TTBK2: variants seen among roughly 807,000 people sequenced by gnomAD.
TTBK2 encodes tau tubulin kinase 2, also known as tau-tubulin kinase 2.
In TTBK2, 28 loss-of-function variants were observed where a neutral mutation model predicts 110.8. The ratio of observed to expected loss-of-function variants is 0.25; its 90% CI spans 0.19 to 0.35. TTBK2 has a LOEUF of 0.35. TTBK2 is among the 10% of genes least tolerant of loss of function. TTBK2 has a pLI of 1.00. For synonymous variants in TTBK2, 532 were observed against 527.3 expected (o/e 1.01, Z -0.12); for missense variants, 1,369 against 1,500.3 (o/e 0.91, Z 1.45).
intron 10 of TTBK2, among the ~76,000 whole-genome samples, chr15:42,788,916 A>G (rs1312221541): frequency 6.6e-6 from 1 of 152,158 alleles, no homozygotes; most frequent in Non-Finnish European, 1.5e-5. Context: ...CTTAAATTGT[A>G]TTTGAGCTTT....
chr15:42,796,142 G>C (rs911633946), intron 9 of TTBK2, among the ~76,000 whole-genome samples: 60 of 152,130 alleles, frequency 3.9e-4, no homozygotes, highest in African/African-American at 1.3e-3. Flanking sequence ...GGTGGCTCAC[G>C]CCTGTAATCC....
intron 13 of TTBK2, among the ~76,000 whole-genome samples, 170 bp from the exon 14 acceptor site, chr15:42,753,417 C>T (rs955748255): frequency 3.3e-5 from 5 of 152,184 alleles, no homozygotes; most frequent in Non-Finnish European, 7.3e-5. Flanking sequence ...ATGATTGACA[C>T]TCAAGCTACC....
rs2061754371 is a variant in TTBK2 at position 42,741,979 on chromosome 15, C to CA, written c.*3815dup. ...GTGTCTGGGTTTATAAAACATGCAC[C>CA]AATGTACACTTTCTCCTTGTAGATT... On this transcript the variant is annotated 3_prime_UTR_variant, in exon 15 of 15. Coordinates refer to ENST00000267890, the MANE Select transcript of TTBK2 (RefSeq NM_173500.4). 1 of 152,074 alleles carries CA rather than the reference C, an allele frequency of 6.6e-6. No individual in the cohort carries two copies. Among genetic ancestry groups the CA allele is most frequent in the Non-Finnish European group, 1.5e-5 (1 of 68,008 alleles). The allele number at this position is 152,074 out of a possible 1,614,324, so 9.4% of individuals were successfully genotyped here.
At chr15:42,778,434 G>A (rs1019228904) in intron 11 of TTBK2, among the ~76,000 whole-genome samples, 1 of 152,122 alleles carries the variant, frequency 6.6e-6, no homozygotes, top group Non-Finnish European at 1.5e-5. Context: ...CGGAAGCCAA[G>A]GAGGGTGGGT....
intron 10 of TTBK2, among the ~76,000 whole-genome samples, chr15:42,785,530 T>C (rs1297781355): frequency 6.6e-6 from 1 of 152,232 alleles, no homozygotes; most frequent in Non-Finnish European, 1.5e-5. Context: ...ATTATACAGT[T>C]GATATAGTTC....
At chr15:42,825,377 T>C (rs956844896) in intron 6 of TTBK2, among the ~76,000 whole-genome samples, 1 of 152,136 alleles carries the variant, frequency 6.6e-6, no homozygotes, top group Non-Finnish European at 1.5e-5. Flanking sequence ...CACTGGGTAA[T>C]ATGATAGCCA....
At chr15:42,762,961 T>C (rs1393979446) in intron 13 of TTBK2, among the ~76,000 whole-genome samples, 9 of 149,064 alleles carry the variant, frequency 6.0e-5, no homozygotes, top group Non-Finnish European at 8.9e-5. Context: ...TATTAGAGGC[T>C]GGAAAGAGTA....
chr15:42,749,246 A>C (rs148247262), intron 14 of TTBK2, among the ~76,000 whole-genome samples: 520 of 152,362 alleles, frequency 3.4e-3, no homozygotes, highest in African/African-American at 0.012. Context: ...AACCTGGATC[A>C]GAGAAGATTC....
intron 1 of TTBK2, among the ~76,000 whole-genome samples, chr15:42,889,234 G>C (rs904927269): frequency 8.5e-5 from 13 of 152,100 alleles, no homozygotes; most frequent in Non-Finnish European, 1.8e-4. Flanking sequence ...CCCAGGACTG[G>C]CAAATTGACC....
intron 13 of TTBK2, among the ~76,000 whole-genome samples, chr15:42,773,371 A>AG (rs1449231142): frequency 6.6e-6 from 1 of 151,792 alleles, no homozygotes; most frequent in Admixed American, 6.6e-5. Flanking sequence ...CAGAAGGCGG[A>AG]GGTTGCAGTG....
At chr15:42,902,613 T>C (rs1244908152) in intron 1 of TTBK2, among the ~76,000 whole-genome samples, 1 of 151,874 alleles carries the variant, frequency 6.6e-6, no homozygotes, top group African/African-American at 2.4e-5. Context: ...CCGGTGAGGA[T>C]GTGAAAAAAT....
At position 42,815,954 on chromosome 15, in the gene TTBK2, A is replaced by AT. The variant is rs1393860735; in HGVS notation, c.603+1077_603+1078insA. On this transcript the variant is annotated intron_variant, in intron 7 of 14. Coordinates refer to ENST00000267890, the MANE Select transcript of TTBK2 (RefSeq NM_173500.4). Reference sequence around the variant, plus strand: ...AAAATATATATATATATATTTAAAAAAAAAATATATATATATATATATATT... The same window carrying AT: ...AAAATATATATATATATATTTAAAAATAAAAATATATATATATATATATATT... 4.0e-3 allele frequency among the ~76,000 whole-genome samples: 212 copies of AT among 53,362 alleles called. 8 individuals are homozygous for AT. The highest frequency in any genetic ancestry group is 0.035 in the East Asian group (73 of 2,070). 35.0% of individuals were successfully genotyped at this position (53,362 alleles called of 152,430 possible).
intron 3 of TTBK2, chr15:42,871,664 A>G: frequency 3.4e-6 from 3 of 873,030 alleles, no homozygotes; most frequent in Non-Finnish European, 4.1e-6. Flanking sequence ...AAAATAGAAA[A>G]GGTCAGAAAA....
At chr15:42,834,338 C>T (rs1892904954) in intron 4 of TTBK2, among the ~76,000 whole-genome samples, 1 of 152,086 alleles carries the variant, frequency 6.6e-6, no homozygotes, top group Admixed American at 6.6e-5. Context: ...TTAAATCCAT[C>T]CACTTGAAAA....
rs781516018 is a variant in TTBK2 at position 42,752,420 on chromosome 15, G to A, written c.2826C>T (p.His942=). The change falls in exon 14 of 15, where the codon CAC becomes CAT. Residue 942 remains histidine, a synonymous_variant. Coordinates refer to ENST00000267890, the MANE Select transcript of TTBK2 (RefSeq NM_173500.4). ...CTTGTGCTAAAACAGGGATTCGGCTGTGTCTAGTTACAAAGGATGACCTAA... is the reference window on the plus strand; with the variant it reads ...CTTGTGCTAAAACAGGGATTCGGCTATGTCTAGTTACAAAGGATGACCTAA... ...DMVRSSFVTR[H]SRIPVLAQEI... 5 of 1,614,212 alleles carry A rather than the reference G, an allele frequency of 3.1e-6. No individual in the cohort carries two copies. Among genetic ancestry groups the A allele is most frequent in the South Asian group, 1.1e-5 (1 of 91,086 alleles).
chr15:42,774,827 T>G (rs1206705811), intron 13 of TTBK2, among the ~76,000 whole-genome samples: 1 of 152,240 alleles, frequency 6.6e-6, no homozygotes, highest in Non-Finnish European at 1.5e-5. Context: ...TGCTAGGAAC[T>G]TCAAAAAATT....
intron 6 of TTBK2, among the ~76,000 whole-genome samples, chr15:42,823,889 A>G (rs559371784): frequency 6.6e-6 from 1 of 152,238 alleles, no homozygotes; most frequent in African/African-American, 2.4e-5. Flanking sequence ...TATAAAGAAG[A>G]GGTCTGTTTG....
chr15:42,783,330 A>G (rs1467389406), intron 11 of TTBK2, 89 bp downstream of exon 11: 8 of 1,291,194 alleles, frequency 6.2e-6, no homozygotes, highest in South Asian at 6.0e-5. Context: ...CCCTCACCAG[A>G]TACCAAATCT....
chr15:42,768,159 C>T (rs1889477571), intron 13 of TTBK2, among the ~76,000 whole-genome samples: 1 of 152,174 alleles, frequency 6.6e-6, no homozygotes, highest in African/African-American at 2.4e-5. Flanking sequence ...CAATATCATA[C>T]TGAATGGGCA....
Sources: allele counts gnomAD v4.1 joint callset (sites outside exome capture counted in the v4.1 genomes callset), GRCh38; gene constraint gnomAD v4.1.1; transcripts MANE v1.5; gene names NCBI Gene and HGNC (gene_info 2026-07-23, HGNC 2026-07-21).